The following ZNF532 variants were observed in gnomAD, a reference collection of about 807,000 sequenced individuals.
ZNF532 encodes zinc finger protein 532.
A neutral mutation model predicts 89.3 loss-of-function variants in ZNF532; 22 were observed. That is an observed-to-expected ratio of 0.25 (90% CI 0.18 to 0.35). The LOEUF (loss-of-function observed/expected upper bound fraction) is 0.35, where lower values mean the gene tolerates loss of function less well. Ranked by LOEUF, ZNF532 falls within the 10% of genes least tolerant of loss-of-function variation. The pLI is 1.00. For missense variants in ZNF532, 1,132 were observed against 1,643.4 expected (o/e 0.69, Z 5.38); for synonymous variants, 606 against 649.6 (o/e 0.93, Z 1.02).
chr18:58,929,521 T>G (rs1262087727), intron 3 of ZNF532, among the ~76,000 whole-genome samples: 1 of 152,248 alleles, frequency 6.6e-6, no homozygotes, highest in African/African-American at 2.4e-5. Context: ...CTTTTGGTCC[T>G]GCTCTTCTAA....
chr18:58,962,537 G>T (rs1444181275), intron 7 of ZNF532, among the ~76,000 whole-genome samples: 1 of 152,086 alleles, frequency 6.6e-6, no homozygotes, highest in Non-Finnish European at 1.5e-5. Flanking sequence ...AGAGCCTACG[G>T]CCCAGCACAC....
intron 2 of ZNF532, among the ~76,000 whole-genome samples, chr18:58,914,509 G>T (rs1263174192): frequency 6.6e-6 from 1 of 152,098 alleles, no homozygotes; most frequent in African/African-American, 2.4e-5. Context: ...GTGAAACCCC[G>T]TCTCTACTAA....
intron 7 of ZNF532, 83 bp from the exon 8 acceptor site, chr18:58,978,967 TTTAAC>T (rs1419558199): frequency 1.8e-6 from 2 of 1,083,732 alleles, no homozygotes; most frequent in Non-Finnish European, 2.7e-6. Context: ...GTAATAATGA[TTTAAC>T]TTAAACTATT....
chr18:58,865,747 A>AT (rs1466290965), intron 2 of ZNF532, among the ~76,000 whole-genome samples, 168 bp downstream of exon 2: 1 of 152,230 alleles, frequency 6.6e-6, no homozygotes, highest in East Asian at 1.9e-4. Context: ...TTATGATGGT[A>AT]TTGCGATCAA....
chr18:58,956,015 G>A (rs2064737134), intron 7 of ZNF532, among the ~76,000 whole-genome samples: 1 of 152,202 alleles, frequency 6.6e-6, no homozygotes, highest in South Asian at 2.1e-4. Flanking sequence ...CATTTCGTGA[G>A]ATTTCTGTAA....
intron 7 of ZNF532, 199 bp downstream of exon 7, chr18:58,953,998 C>G: frequency 3.0e-6 from 3 of 985,390 alleles, no homozygotes; most frequent in Non-Finnish European, 3.6e-6. Flanking sequence ...TTTTCCTGGT[C>G]ATTGCCTTCA....
At chr18:58,938,482 G>A (rs933775531) in intron 4 of ZNF532, among the ~76,000 whole-genome samples, 2 of 152,212 alleles carry the variant, frequency 1.3e-5, no homozygotes, top group African/African-American at 2.4e-5. Flanking sequence ...AAAGTAAGGA[G>A]GTTAGCTAGA....
chr18:58,971,329 C>G (rs890180213), intron 7 of ZNF532, among the ~76,000 whole-genome samples: 15 of 152,102 alleles, frequency 9.9e-5, no homozygotes, highest in African/African-American at 3.1e-4. Flanking sequence ...TTTAGATTAT[C>G]TACATAAATT....
intron 7 of ZNF532, among the ~76,000 whole-genome samples, chr18:58,956,970 G>A (rs2064843454): frequency 1.3e-5 from 2 of 152,124 alleles, no homozygotes; most frequent in Admixed American, 1.3e-4. Flanking sequence ...CCAAATCTGT[G>A]TCTCCAGTTA....
At chr18:58,892,765 C>T (rs2058987755) in intron 2 of ZNF532, among the ~76,000 whole-genome samples, 1 of 152,170 alleles carries the variant, frequency 6.6e-6, no homozygotes. Context: ...GAAGGTTCCC[C>T]AAGTGGGGGC....
chr18:58,979,994 G>A (rs1481459345), intron 8 of ZNF532: 3 of 152,246 alleles, frequency 2.0e-5, no homozygotes, highest in Non-Finnish European at 4.4e-5. Flanking sequence ...CACTCAGCTG[G>A]AATATACCTG....
At chr18:58,888,755 A>ATATATAT (rs1294307163) in intron 2 of ZNF532, among the ~76,000 whole-genome samples, 1 of 34,568 alleles carries the variant, frequency 2.9e-5, no homozygotes, top group Non-Finnish European at 4.5e-5. Context: ...ATATATATAT[A>ATATATAT]AAATTAATAT....
chr18:58,880,740 GC>G (rs1227825478), intron 2 of ZNF532, among the ~76,000 whole-genome samples: 7 of 149,146 alleles, frequency 4.7e-5, no homozygotes, highest in African/African-American at 1.7e-4. Flanking sequence ...GTATATTTGA[GC>G]CCTCTCATAG....
intron 3 of ZNF532, among the ~76,000 whole-genome samples, chr18:58,923,137 C>G (rs985113560): frequency 6.6e-6 from 1 of 152,054 alleles, no homozygotes; most frequent in African/African-American, 2.4e-5. Flanking sequence ...AAGCAAAACA[C>G]TCACCTCCTG....
rs150992912 is a variant in ZNF532, at chr18:58,969,453, T to C, written c.3151-9602T>C. 1.8e-3 allele frequency among the ~76,000 whole-genome samples: 277 copies of C among 152,338 alleles called. 1 individual carries two copies. The highest frequency in any genetic ancestry group is 6.3e-3 in the African/African-American group (262 of 41,588). ...CACGGAGCACAGAGGGGCGTCTTCATCGCTGCCCGGCAGCTTGGTCTCTCA... is the reference window on the plus strand; with the variant it reads ...CACGGAGCACAGAGGGGCGTCTTCACCGCTGCCCGGCAGCTTGGTCTCTCA... On this transcript the variant is annotated intron_variant, in intron 7 of 9. Transcript: ENST00000591808.
intron 7 of ZNF532, among the ~76,000 whole-genome samples, chr18:58,974,198 A>G (rs183590721): frequency 6.6e-6 from 1 of 152,178 alleles, no homozygotes; most frequent in African/African-American, 2.4e-5. Context: ...AATATGAAGG[A>G]ATATAGTGAA....
chr18:58,914,670 A>G (rs1009514919), intron 2 of ZNF532, among the ~76,000 whole-genome samples: 1 of 152,154 alleles, frequency 6.6e-6, no homozygotes, highest in Non-Finnish European at 1.5e-5. Flanking sequence ...ACAGAGCAAG[A>G]CTCCGTCTCG....
At chr18:58,900,342 C>T (rs555419570) in intron 2 of ZNF532, among the ~76,000 whole-genome samples, 2 of 152,212 alleles carry the variant, frequency 1.3e-5, no homozygotes, top group South Asian at 4.1e-4. Flanking sequence ...AAATGGAGGT[C>T]AGGCTCTCTG....
rs1464706365 is a variant in ZNF532 at position 58,918,360 on chromosome 18, G to T, written c.73G>T (p.Asp25Tyr). 1.9e-6 allele frequency: 3 copies of T among 1,614,108 alleles called. No individual in the cohort carries two copies. Among genetic ancestry groups the T allele is most frequent in the Non-Finnish European group, 2.5e-6 (3 of 1,180,038 alleles). ...LAAFDIPDMV[D>Y]PKAAIESGHD... ...AGCATTTGACATCCCAGATATGGTC[G>T]ATCCTAAAGCAGCTATTGAGTCTGG... Residue 25 changes from aspartate to tyrosine, a missense_variant, in exon 3 of 10, where the codon GAT (aspartate) becomes TAT (tyrosine). By Grantham distance (160) the Asp-to-Tyr change is radical. This residue lies in a region of ZNF532 where 15 missense variants were observed against 43.6 expected (regional missense o/e 0.34). Coordinates refer to ENST00000591808, the MANE Select transcript of ZNF532 (RefSeq NM_001375912.1).
Sources: gnomAD v4.1 joint callset for allele counts (sites outside exome capture counted in the v4.1 genomes callset) on GRCh38, gnomAD v4.1.1 for gene constraint, gnomAD v4.1.1 regional missense constraint, MANE v1.5 for transcripts, NCBI Gene and HGNC (gene_info 2026-07-23, HGNC 2026-07-21) for gene names.